WDR59: variants seen among roughly 807,000 people sequenced by gnomAD.
WDR59 encodes the protein GATOR2 complex protein WDR59.
In WDR59, 100 loss-of-function variants were observed where a neutral mutation model predicts 131.2. The ratio of observed to expected loss-of-function variants is 0.76; its 90% CI spans 0.65 to 0.90. WDR59 has a LOEUF of 0.90. Among genes scored for constraint, WDR59 ranks in the 40% least tolerant of loss-of-function variants. The probability of loss-of-function intolerance (pLI) is 0.00; values close to 1 mark genes in which losing one functional copy is unlikely to be tolerated. For missense variants in WDR59, 1,203 were observed against 1,262.2 expected, an observed-to-expected ratio of 0.95 and a Z score of 0.71; for synonymous variants, 601 against 466.2, an observed-to-expected ratio of 1.29 and a Z score of -3.72.
At chr16:74,920,493 T>C (rs1293509404) in intron 10 of WDR59, among the ~76,000 whole-genome samples, 2 of 152,124 alleles carry the variant, frequency 1.3e-5, no homozygotes, top group Non-Finnish European at 2.9e-5. Flanking sequence ...CTCTGCCTCC[T>C]GGGTTCAAGA....
intron 3 of WDR59, among the ~76,000 whole-genome samples, chr16:74,954,707 C>T (rs1382336043): frequency 6.6e-6 from 1 of 152,188 alleles, no homozygotes; most frequent in Non-Finnish European, 1.5e-5. Context: ...CAGCTCTATT[C>T]AATAGCCAGT....
chr16:74,874,366 T>C lies in WDR59; in HGVS notation c.2768A>G (p.Gln923Arg). ...CACAGCCACGTGACAGATGGCACAC[T>C]GGAACGTGAAGCCTTTGCAGATGGC... ...QCAICKGFTF[Q>R]CAICHVAVRG... is the part of the protein sequence containing the mutation. Residue 923 changes from glutamine (Q) to arginine (R), a missense_variant, in exon 26 of 26, where the codon CAG (glutamine) becomes CGG (arginine). By Grantham distance (43) the Gln-to-Arg change is conservative (BLOSUM62 1). Coordinates refer to ENST00000262144, the MANE Select transcript of WDR59 (RefSeq NM_030581.4). 1 of 1,614,092 alleles carries C rather than the reference T, an allele frequency of 6.2e-7. No individual in the cohort carries two copies. Among genetic ancestry groups the C allele is most frequent in the Non-Finnish European group, 8.5e-7 (1 of 1,180,006 alleles).
intron 1 of WDR59, among the ~76,000 whole-genome samples, chr16:74,975,310 T>C (rs537982068): frequency 6.6e-6 from 1 of 151,482 alleles, no homozygotes; most frequent in South Asian, 2.1e-4. Context: ...GCAGTGAGCC[T>C]ATATCGCGCC....
At chr16:74,980,010 A>G (rs1158607213) in intron 1 of WDR59, among the ~76,000 whole-genome samples, 2 of 150,616 alleles carry the variant, frequency 1.3e-5, no homozygotes, top group Non-Finnish European at 3.0e-5. Flanking sequence ...CACCACGCCC[A>G]GCTAATTTTT....
At position 74,958,592 on chromosome 16, in the gene WDR59, C is replaced by CAAAAAA. The variant is rs747175030; in HGVS notation, c.105-1988_105-1983dup. ...TGGGGGACAGGCTGAGACTCCATCT[C>CAAAAAA]AAAAAAAAAAAAAAAAAAAAAAAAA... On this transcript the variant is annotated intron_variant, in intron 2 of 25. Coordinates refer to ENST00000262144, the MANE Select transcript of WDR59 (RefSeq NM_030581.4). Among the ~76,000 whole-genome samples the CAAAAAA allele has an allele frequency of 4.8e-3, 64 of 13,242 alleles. 15 individuals are homozygous for CAAAAAA. Among genetic ancestry groups the CAAAAAA allele is most frequent in the East Asian group, 0.032 (4 of 124 alleles). The allele number at this position is 13,242 out of a possible 152,430, so 8.7% of individuals were successfully genotyped here. A position where few individuals can be genotyped will look rare whatever the true frequency, so the allele number is the denominator to read the frequency against.
intron 18 of WDR59, among the ~76,000 whole-genome samples, chr16:74,897,106 T>C (rs1022068677): frequency 3.9e-5 from 6 of 152,218 alleles, no homozygotes; most frequent in Non-Finnish European, 7.3e-5. Flanking sequence ...ATGAAGGAGA[T>C]TGGCACTGGA....
At chr16:74,934,570 C>T (rs1176724996) in intron 8 of WDR59, among the ~76,000 whole-genome samples, 1 of 152,070 alleles carries the variant, frequency 6.6e-6, no homozygotes, top group East Asian at 1.9e-4. Context: ...CCATTCCATC[C>T]CCCCATTCAC....
chr16:74,886,206 G>C (rs964922112), intron 24 of WDR59, 64 bp downstream of exon 24: 12 of 1,212,452 alleles, frequency 9.9e-6, no homozygotes, highest in Non-Finnish European at 1.4e-5. Flanking sequence ...AGTTGTGATT[G>C]TGGAGAAACT....
intron 20 of WDR59, 68 bp downstream of exon 20, chr16:74,892,416 A>C (rs931095986): frequency 7.7e-7 from 1 of 1,296,072 alleles, no homozygotes; most frequent in Admixed American, 1.9e-5. Flanking sequence ...TTAAATGCCA[A>C]TGACAAAGTA....
chr16:74,958,685 A>G (rs958421320), intron 2 of WDR59, among the ~76,000 whole-genome samples: 14 of 150,420 alleles, frequency 9.3e-5, no homozygotes, highest in African/African-American at 3.2e-4. Flanking sequence ...CTTCCCCCCA[A>G]CTGGAGGCTT....
intron 8 of WDR59, among the ~76,000 whole-genome samples, chr16:74,924,975 A>C (rs2030632263): frequency 6.6e-6 from 1 of 152,098 alleles, no homozygotes; most frequent in Non-Finnish European, 1.5e-5. Flanking sequence ...ACCCAGCAAT[A>C]CCACTCCTAC....
chr16:74,920,088 A>G (rs542688966), intron 10 of WDR59, among the ~76,000 whole-genome samples: 1 of 140,556 alleles, frequency 7.1e-6, no homozygotes, highest in Non-Finnish European at 1.6e-5. Flanking sequence ...AAAAAAAAAA[A>G]TTGATGTCGA....
At chr16:74,958,606 A>AAAAAAAAAAAAAAAAAAAAAAAAAC (rs2033413014) in intron 2 of WDR59, among the ~76,000 whole-genome samples, 1 of 141,866 alleles carries the variant, frequency 7.0e-6, no homozygotes, top group Non-Finnish European at 1.5e-5. Context: ...AAAAAAAAAA[A>AAAAAAAAAAAAAAAAAAAAAAAAAC]AAAAAAAAAA....
At position 74,908,736 on chromosome 16, in the gene WDR59, C is replaced by T. The variant is rs1965937409; in HGVS notation, c.1712+172G>A. ...GGTAATAACCATACAGCAGAAATCA[C>T]AGCTTTTTTGCAATTTAATTGACTT... On this transcript the variant is annotated intron_variant, in intron 17 of 25. Coordinates refer to ENST00000262144, the MANE Select transcript of WDR59 (RefSeq NM_030581.4). The T allele has an allele frequency of 4.8e-5, 27 of 568,298 alleles. No individual in the cohort carries two copies. In the East Asian group the frequency reaches 7.6e-4, roughly 16 times the overall value. The allele number at this position is 568,298 out of a possible 1,614,324, so 35.2% of individuals were successfully genotyped here. A position where few individuals can be genotyped will look rare whatever the true frequency, so the allele number is the denominator to read the frequency against.
chr16:74,967,983 T>C (rs1194789933), intron 1 of WDR59, among the ~76,000 whole-genome samples: 1 of 152,038 alleles, frequency 6.6e-6, no homozygotes, highest in Non-Finnish European at 1.5e-5. Context: ...GGGAAGGAAA[T>C]TCTGATACAT....
At chr16:74,922,979 T>C (rs2145007225) in intron 9 of WDR59, among the ~76,000 whole-genome samples, 1 of 152,298 alleles carries the variant, frequency 6.6e-6, no homozygotes, top group Admixed American at 6.5e-5. Flanking sequence ...TTAAAGGAAA[T>C]ACATTATCTC....
chr16:74,921,751 G>C (rs1158230280), intron 10 of WDR59, among the ~76,000 whole-genome samples, 196 bp downstream of exon 10: 2 of 138,618 alleles, frequency 1.4e-5, no homozygotes, highest in Non-Finnish European at 3.3e-5. Context: ...GAAGAGGACA[G>C]AATTTGGAAG....
intron 1 of WDR59, among the ~76,000 whole-genome samples, chr16:74,966,469 G>A (rs1755311828): frequency 6.6e-6 from 1 of 152,016 alleles, no homozygotes; most frequent in Admixed American, 6.6e-5. Context: ...AACAGACTGA[G>A]ACTCCATCTC....
chr16:74,909,602 G>T lies in WDR59; in HGVS notation c.1541C>A (p.Pro514His), dbSNP rs780537043. The change falls in exon 16 of 26, where the codon CCC becomes CAC. Residue 514 changes from proline to histidine, a missense_variant. Transcript: ENST00000262144. ...NPFALPNSVT[P>H]PLPTFARVTT... is the part of the protein sequence containing the mutation. ...CACCCGCGCAAACGTCGGTAAGGGGGGAGTGACAGAGTTGGGGAGTGCAAA... is the reference window on the plus strand; with the variant it reads ...CACCCGCGCAAACGTCGGTAAGGGGTGAGTGACAGAGTTGGGGAGTGCAAA... 6.2e-7 allele frequency: 1 copy of T among 1,609,044 alleles called. No individual in the cohort carries two copies. The highest frequency in any genetic ancestry group is 8.5e-7 in the Non-Finnish European group (1 of 1,178,070).
Sources: gnomAD v4.1 joint callset for allele counts (sites outside exome capture counted in the v4.1 genomes callset) on GRCh38, gnomAD v4.1.1 for gene constraint, MANE v1.5 for transcripts, NCBI Gene and HGNC (gene_info 2026-07-23, HGNC 2026-07-21) for gene names.